The following JMY variants were observed in gnomAD, a reference collection of about 807,000 sequenced individuals.
JMY encodes junction-mediating and -regulatory protein.
JMY carries 46 observed loss-of-function variants against 103.3 expected under a neutral mutation model. The ratio of observed to expected loss-of-function variants is 0.45; its 90% CI spans 0.35 to 0.57. The LOEUF (loss-of-function observed/expected upper bound fraction) is 0.57, where lower values mean the gene tolerates loss of function less well. Among genes scored for constraint, JMY ranks in the 20% least tolerant of loss-of-function variants. The pLI, the probability that JMY is intolerant of heterozygous loss-of-function variation, is 0.00. For missense variants in JMY, 1,238 were observed against 1,255.2 expected, an observed-to-expected ratio of 0.99 and a Z score of 0.21; for synonymous variants, 526 against 489.3, an observed-to-expected ratio of 1.07 and a Z score of -0.99.
At chr5:79,268,471 T>A (rs1745647397) in intron 1 of JMY, among the ~76,000 whole-genome samples, 1 of 145,994 alleles carries the variant, frequency 6.8e-6, no homozygotes, top group African/African-American at 2.8e-5. Context: ...AGCATCTTTT[T>A]ATTTATTTTT....
At chr5:79,239,942 T>A (rs1005014265) in intron 1 of JMY, among the ~76,000 whole-genome samples, 9 of 152,082 alleles carry the variant, frequency 5.9e-5, no homozygotes, top group Admixed American at 1.3e-4. Context: ...TTACATTTTT[T>A]AAAAAATGTG....
At chr5:79,301,927 C>CA (rs1392784337) in intron 6 of JMY, among the ~76,000 whole-genome samples, 2 of 151,746 alleles carry the variant, frequency 1.3e-5, no homozygotes, top group African/African-American at 4.8e-5. Flanking sequence ...ACTAAAAATA[C>CA]AAAAAATTAG....
Position 79,290,148 on chromosome 5 carries a change from C to T in JMY, c.1234C>T (p.Pro412Ser). 3 of 1,590,992 alleles carry T rather than the reference C, an allele frequency of 1.9e-6. No individual in the cohort carries two copies. Among genetic ancestry groups the T allele is most frequent in the Non-Finnish European group, 2.6e-6 (3 of 1,168,242 alleles). Residue 412 changes from proline to serine, a missense_variant, in exon 3 of 11, where the codon CCT (proline) becomes TCT (serine). Transcript: ENST00000396137. ...KISMENDYLG[P>S]RRIESLQKED... is the part of the protein sequence containing the mutation. ...TTCCATGGAGAATGATTATCTGGGA[C>T]CTCGAAGAATTGAGAGTCTACAAAA...
At chr5:79,286,614 G>A (rs534888996) in intron 2 of JMY, among the ~76,000 whole-genome samples, 1 of 151,506 alleles carries the variant, frequency 6.6e-6, no homozygotes. Context: ...CTGCACTCCA[G>A]TGTGGGTGAC....
Position 79,243,183 on chromosome 5 carries a change from C to T in JMY, c.1032+5501C>T, listed in dbSNP as rs1561286851. 3.3e-5 allele frequency among the ~76,000 whole-genome samples: 5 copies of T among 152,218 alleles called. No individual in the cohort carries two copies. The South Asian group carries it at 1.0e-3, about 32-fold the overall frequency. On this transcript the variant is annotated intron_variant, in intron 1 of 10. Coordinates refer to ENST00000396137, the MANE Select transcript of JMY (RefSeq NM_152405.5). ...GTTATTTAACTGAAGGGGCAAGGGGCAAGGAGCTCTAGGAGGAAGTTTTGT... is the reference window on the plus strand; with the variant it reads ...GTTATTTAACTGAAGGGGCAAGGGGTAAGGAGCTCTAGGAGGAAGTTTTGT...
chr5:79,314,210 T>C (rs1217330363), intron 8 of JMY, 47 bp from the exon 9 acceptor site: 1 of 1,546,216 alleles, frequency 6.5e-7, no homozygotes, highest in East Asian at 2.3e-5. Context: ...TGCTCATAAA[T>C]TGTTTCAATA....
intron 6 of JMY, 81 bp from the exon 7 acceptor site, chr5:79,306,294 A>T: frequency 1.1e-6 from 1 of 949,124 alleles, no homozygotes; most frequent in Non-Finnish European, 1.7e-6. Context: ...GGTATATATT[A>T]AGATCAAAAT....
In JMY at chr5:79,255,128, C is replaced by CGTTTTTTTTTT. The variant is rs1745200874; in HGVS notation, c.1032+17446_1032+17447insGTTTTTTTTTT. ...CTGAAAGGTCACATATCTCTCTCTC[C>CGTTTTTTTTTT]TTTTTTTTGAGACAGGGTCTTGTAG... is the stretch of plus-strand genomic sequence containing the variant. On this transcript the variant is annotated intron_variant, in intron 1 of 10. Transcript: ENST00000396137. Among the ~76,000 whole-genome samples, 12 of 139,826 alleles carry CGTTTTTTTTTT rather than the reference C, an allele frequency of 8.6e-5. No individual in the cohort carries two copies. In the South Asian group the frequency reaches 2.3e-3, roughly 26 times the overall value. The allele number at this position is 139,826 out of a possible 152,430, so 91.7% of individuals were successfully genotyped here. A position where few individuals can be genotyped will look rare whatever the true frequency, so the allele number is the denominator to read the frequency against.
intron 1 of JMY, among the ~76,000 whole-genome samples, chr5:79,270,613 T>C (rs945615255): frequency 7.6e-6 from 1 of 131,034 alleles, no homozygotes; most frequent in Admixed American, 7.4e-5. Flanking sequence ...TTTACATAAA[T>C]GTTTATATAA....
At position 79,314,301 on chromosome 5, in the gene JMY, A is replaced by G. The variant is rs1747137545; in HGVS notation, c.2109A>G (p.Leu703=). The change falls in exon 9 of 11, where the codon CTA becomes CTG. Residue 703 remains leucine (L), a synonymous_variant. Transcript: ENST00000396137. ...QVILKSTRLR[L]AHARRKGAAS... ...TACTTAAATCAACCAGATTACGACT[A>G]GCTCATGCAAGAAGAAAAGGTGCAG... 1.2e-6 allele frequency: 2 copies of G among 1,614,002 alleles called. No individual in the cohort carries two copies. Among genetic ancestry groups the G allele is most frequent in the Non-Finnish European group, 1.7e-6 (2 of 1,179,994 alleles).
At chr5:79,269,447 G>T (rs1447254915) in intron 1 of JMY, among the ~76,000 whole-genome samples, 1 of 152,100 alleles carries the variant, frequency 6.6e-6, no homozygotes, top group East Asian at 1.9e-4. Flanking sequence ...ATAAACTTTA[G>T]AATTTATTTT....
chr5:79,314,938 A>AACTATATTTTTTGACGTTG, intron 9 of JMY, 87 bp downstream of exon 9: 1 of 1,229,340 alleles, frequency 8.1e-7, no homozygotes, highest in South Asian at 1.7e-5. Context: ...AAAGCTTAAA[A>AACTATATTTTTTGACGTTG]CACTTTATTT....
chr5:79,265,274 A>G (rs1432466609), intron 1 of JMY, among the ~76,000 whole-genome samples: 1 of 152,224 alleles, frequency 6.6e-6, no homozygotes, highest in Non-Finnish European at 1.5e-5. Flanking sequence ...AATTTTATAG[A>G]TAAGTAAATT....
rs147620202 is a variant in JMY, at chr5:79,283,744, CT to C, written c.1206+5664del. Among the ~76,000 whole-genome samples the C allele has an allele frequency of 2.6e-5, 4 of 152,322 alleles. No homozygotes were observed. The East Asian group carries it at 7.7e-4, about 29-fold the overall frequency. The stretch of plus-strand genomic sequence containing the variant: ...AACTCTAGGAATGGACCTCAGCAAT[CT>C]TTGTTTTGACAAGCTTTCCAGGTGA... On this transcript the variant is annotated intron_variant, in intron 2 of 10. Coordinates refer to ENST00000396137, the MANE Select transcript of JMY (RefSeq NM_152405.5).
At chr5:79,268,168 A>T (rs1243654869) in intron 1 of JMY, among the ~76,000 whole-genome samples, 1 of 152,182 alleles carries the variant, frequency 6.6e-6, no homozygotes, top group African/African-American at 2.4e-5. Flanking sequence ...ACTTGAGCCC[A>T]GGAGTTCCAG....
chr5:79,292,458 C>G (rs560571375), intron 4 of JMY, among the ~76,000 whole-genome samples: 8 of 151,934 alleles, frequency 5.3e-5, no homozygotes, highest in South Asian at 2.1e-4. Context: ...GGCACGCACC[C>G]CCCCCAACAC....
At chr5:79,283,655 A>G (rs1746186114) in intron 2 of JMY, among the ~76,000 whole-genome samples, 1 of 152,204 alleles carries the variant, frequency 6.6e-6, no homozygotes, top group African/African-American at 2.4e-5. Context: ...TAGTAGTATC[A>G]GTATAACCTG....
At chr5:79,299,565 C>G (rs1456909633) in intron 4 of JMY, among the ~76,000 whole-genome samples, 1 of 151,962 alleles carries the variant, frequency 6.6e-6, no homozygotes, top group African/African-American at 2.4e-5. Context: ...TAAGTTCAGC[C>G]TAGGACGTTG....
At chr5:79,276,755 C>T (rs538664398) in intron 1 of JMY, among the ~76,000 whole-genome samples, 11 of 152,088 alleles carry the variant, frequency 7.2e-5, no homozygotes, top group Admixed American at 3.3e-4. Flanking sequence ...TACAGGTGCA[C>T]GCCACTACAC....
Sources: allele counts gnomAD v4.1 joint callset (sites outside exome capture counted in the v4.1 genomes callset), GRCh38; gene constraint gnomAD v4.1.1; transcripts MANE v1.5; gene names NCBI Gene and HGNC (gene_info 2026-07-23, HGNC 2026-07-21).